TP63: variants seen among roughly 807,000 people sequenced by gnomAD.
The protein encoded by TP63 is tumor protein p63, also known as tumor protein 63.
Under a neutral mutation model 82.8 loss-of-function variants are expected in TP63, and 17 were observed. That is an observed-to-expected ratio of 0.21 (90% CI 0.14 to 0.31). The LOEUF is 0.31. Ranked by LOEUF, TP63 falls within the 10% of genes least tolerant of loss-of-function variation. TP63 has a pLI of 1.00. For synonymous variants in TP63, 330 were observed against 321.7 expected (o/e 1.03, Z -0.28); for missense variants, 648 against 895.3 (o/e 0.72, Z 3.52).
intron 3 of TP63, among the ~76,000 whole-genome samples, chr3:189,784,835 T>A (rs926839761): frequency 2.6e-5 from 4 of 152,062 alleles, no homozygotes; most frequent in African/African-American, 9.7e-5. Context: ...AGTAGCTTCC[T>A]CAAATGCTAA....
At chr3:189,857,146 A>G (rs563291870) in intron 4 of TP63, among the ~76,000 whole-genome samples, 7 of 152,268 alleles carry the variant, frequency 4.6e-5, no homozygotes, top group African/African-American at 1.7e-4. Flanking sequence ...GATTAACCCA[A>G]ACAATTTGAA....
At chr3:189,656,081 A>C (rs987374008) in intron 1 of TP63, among the ~76,000 whole-genome samples, 13 of 152,190 alleles carry the variant, frequency 8.5e-5, no homozygotes, top group Non-Finnish European at 1.6e-4. Context: ...ATTGAGAATA[A>C]ACAAACATAA....
intron 1 of TP63, among the ~76,000 whole-genome samples, chr3:189,704,904 C>T (rs1196763830): frequency 1.3e-5 from 2 of 152,168 alleles, no homozygotes; most frequent in Admixed American, 6.5e-5. Context: ...TCCTGTAAAT[C>T]CAGCTAGCCA....
At chr3:189,643,440 A>G (rs548353520) in intron 1 of TP63, among the ~76,000 whole-genome samples, 1 of 133,498 alleles carries the variant, frequency 7.5e-6, no homozygotes, top group Non-Finnish European at 1.7e-5. Context: ...TTCAAAAGCT[A>G]TCCTTTAAAC....
intron 3 of TP63, among the ~76,000 whole-genome samples, chr3:189,778,174 A>C (rs1723966077): frequency 6.6e-6 from 1 of 152,012 alleles, no homozygotes; most frequent in South Asian, 2.1e-4. Flanking sequence ...GCCGAGTCTT[A>C]TTCTTCTTTA....
intron 1 of TP63, among the ~76,000 whole-genome samples, chr3:189,691,355 A>AAAAAAAAAAAAAG (rs1553813522): frequency 6.2e-4 from 89 of 143,904 alleles, no homozygotes; most frequent in Non-Finnish European, 1.1e-3. Context: ...AAAAAAAAAA[A>AAAAAAAAAAAAAG]AAAAAGAAAA....
At chr3:189,644,108 C>T (rs1016167541) in intron 1 of TP63, among the ~76,000 whole-genome samples, 18 of 152,154 alleles carry the variant, frequency 1.2e-4, no homozygotes, top group Admixed American at 3.9e-4. Context: ...ATTTCCACTT[C>T]AGGTACCAAT....
intron 9 of TP63, among the ~76,000 whole-genome samples, chr3:189,869,620 T>C (rs1199285239): frequency 1.3e-5 from 2 of 152,142 alleles, no homozygotes. Context: ...GGTGCCCCTA[T>C]GGTCGGGTTC....
At chr3:189,738,558 G>C in intron 2 of TP63, 84 bp from the exon 3 acceptor site, 2 of 1,603,600 alleles carry the variant, frequency 1.2e-6, no homozygotes, top group South Asian at 2.2e-5. Context: ...CTTTGAAGCA[G>C]AAAATGCTTG....
chr3:189,676,797 T>G (rs980198954), intron 1 of TP63, among the ~76,000 whole-genome samples: 4 of 151,964 alleles, frequency 2.6e-5, no homozygotes, highest in African/African-American at 9.7e-5. Context: ...TTTTAATGCT[T>G]TTCATGAGAA....
intron 10 of TP63, among the ~76,000 whole-genome samples, chr3:189,875,350 G>A (rs938263306): frequency 2.6e-5 from 4 of 151,504 alleles, no homozygotes; most frequent in African/African-American, 7.3e-5. Context: ...GGTGGATCAC[G>A]AGGTCAGGAG....
chr3:189,748,001 A>C lies in TP63; in HGVS notation c.324+9227A>C, dbSNP rs532748663. Among the ~76,000 whole-genome samples, 442 of 152,176 alleles carry C rather than the reference A, an allele frequency of 2.9e-3. 4 individuals are homozygous for C. Among genetic ancestry groups the C allele is most frequent in the African/African-American group, 0.01 (418 of 41,570 alleles). On this transcript the variant is annotated intron_variant, in intron 3 of 13. Coordinates refer to ENST00000264731, the MANE Select transcript of TP63 (RefSeq NM_003722.5). ...ACATATTGCAACCTACTAAGGTTGA[A>C]TAAGGAATAAATAGAAGACCTGAAC...
At position 189,702,489 on chromosome 3, in the gene TP63, T is replaced by C. The variant is rs191308037; in HGVS notation, c.63-35251T>C. Among the ~76,000 whole-genome samples, 333 of 152,340 alleles carry C rather than the reference T, an allele frequency of 2.2e-3. 8 individuals are homozygous for C. The highest frequency in any genetic ancestry group is 0.017 in the Admixed American group (264 of 15,298). On this transcript the variant is annotated intron_variant, in intron 1 of 13. Coordinates refer to ENST00000264731, the MANE Select transcript of TP63 (RefSeq NM_003722.5). ...CTCTTCCCTACAGCTTTAAATTCTT[T>C]ACTCATTCAGAAGATAAGCAGGACT...
chr3:189,718,798 G>T (rs962724818), intron 1 of TP63, among the ~76,000 whole-genome samples: 5 of 151,884 alleles, frequency 3.3e-5, no homozygotes, highest in African/African-American at 7.3e-5. Context: ...AGATGGGATT[G>T]TCATTTTTGG....
intron 4 of TP63, among the ~76,000 whole-genome samples, chr3:189,832,293 A>T (rs1405721595): frequency 6.6e-6 from 1 of 152,112 alleles, no homozygotes; most frequent in South Asian, 2.1e-4. Flanking sequence ...TCTTCTTATA[A>T]TCAACCCCAG....
chr3:189,738,745 C>T lies in TP63; in HGVS notation c.295C>T (p.Gln99Ter). The T allele has an allele frequency of 1.2e-6, 2 of 1,614,106 alleles. No individual in the cohort carries two copies. Among genetic ancestry groups the T allele is most frequent in the Non-Finnish European group, 1.7e-6 (2 of 1,180,008 alleles). The change falls in exon 3 of 14, where the codon CAG (glutamine) becomes TAG (stop). Residue 99 changes from glutamine (Q) to a stop codon, truncating the protein, a stop_gained. Coordinates refer to ENST00000264731, the MANE Select transcript of TP63 (RefSeq NM_003722.5). LOFTEE classifies it high-confidence loss of function. ...IEISMDCIRM[Q>*]DSDLSDPMWP... is the part of the protein sequence containing the mutation. ...GATTAGCATGGACTGTATCCGCATG[C>T]AGGACTCGGACCTGAGTGACCCCAT...
At chr3:189,601,955 C>G in the TP63 span, among the ~76,000 whole-genome samples, 2 of 152,114 alleles carry the variant, frequency 1.3e-5, no homozygotes, top group Non-Finnish European at 2.9e-5. Context: ...CTTCTGCTAT[C>G]TTGATGGAAA....
rs774764336 is a variant in TP63, at chr3:189,875,593, CATATATATATATATATAT to C, written c.1349+2626_1349+2643del. ...AAAGAAAAAGAAAAAAAAATACATA[CATATATATATATATATAT>C]ATATATATATATATATATATATATA... On this transcript the variant is annotated intron_variant, in intron 10 of 13. Transcript: ENST00000264731. 7.6e-3 allele frequency among the ~76,000 whole-genome samples: 308 copies of C among 40,776 alleles called. 11 individuals are homozygous for C. The highest frequency in any genetic ancestry group is 9.7e-3 in the African/African-American group (113 of 11,602). The allele number at this position is 40,776 out of a possible 152,430, so 26.8% of individuals were successfully genotyped here.
the TP63 span, among the ~76,000 whole-genome samples, chr3:189,615,293 G>T: frequency 4.6e-5 from 7 of 152,060 alleles, no homozygotes; most frequent in Non-Finnish European, 7.4e-5. Flanking sequence ...GGAATGTGCT[G>T]CTCCATCCAC....
Sources: allele counts gnomAD v4.1 joint callset (sites outside exome capture counted in the v4.1 genomes callset), GRCh38; gene constraint gnomAD v4.1.1; transcripts MANE v1.5; gene names NCBI Gene and HGNC (gene_info 2026-07-23, HGNC 2026-07-21).